PKHD1: variants seen among roughly 807,000 people sequenced by gnomAD.
PKHD1 encodes the protein PKHD1 ciliary IPT domain containing fibrocystin/polyductin.
A neutral mutation model predicts 412.0 loss-of-function variants in PKHD1; 291 were observed. The ratio of observed to expected loss-of-function variants is 0.71; its 90% confidence interval spans 0.64 to 0.78. The LOEUF is 0.78. Among genes scored for constraint, PKHD1 ranks in the 30% least tolerant of loss-of-function variants. PKHD1 has a pLI of 0.00. For synonymous variants in PKHD1, 1,777 were observed against 1,821.5 expected (o/e 0.98, Z 0.62); for missense variants, 4,825 against 4,950.7 (o/e 0.97, Z 0.76).
intron 55 of PKHD1, among the ~76,000 whole-genome samples, chr6:51,767,839 G>A (rs968959873): frequency 1.3e-5 from 2 of 152,114 alleles, no homozygotes; most frequent in African/African-American, 2.4e-5. Context: ...CCCAGTAATG[G>A]GATGGCTGGA....
At chr6:51,656,411 T>C (rs528307940) in intron 61 of PKHD1, among the ~76,000 whole-genome samples, 53 of 152,120 alleles carry the variant, frequency 3.5e-4, no homozygotes, top group African/African-American at 1.3e-3. Context: ...AAAACCTAGA[T>C]GGCAGGTTGA....
chr6:51,747,895 T>C lies in PKHD1; in HGVS notation c.9721A>G (p.Ile3241Val), dbSNP rs1255869578. Residue 3241 changes from isoleucine to valine, a missense_variant, in exon 58 of 67, where the codon ATT (isoleucine) becomes GTT (valine). Transcript: ENST00000371117. ...GTGAATACAGGCCACAGAATACCAA[T>C]TCGACCTCCTCTTGGATTGGAGGGA... ...RAPSNPRGGR[I>V]GILWPVFTSE... 6.2e-7 allele frequency: 1 copy of C among 1,613,920 alleles called. No homozygotes were observed. The highest frequency in any genetic ancestry group is 8.5e-7 in the Non-Finnish European group (1 of 1,179,958).
intron 36 of PKHD1, among the ~76,000 whole-genome samples, chr6:51,952,607 T>C (rs1790530176): frequency 6.6e-6 from 1 of 152,136 alleles, no homozygotes; most frequent in Non-Finnish European, 1.5e-5. Context: ...TAATTCAAGT[T>C]TTTAACCAAT....
Position 51,772,796 on chromosome 6 carries a change from A to G in PKHD1, c.8555-7T>C. 6.8e-7 allele frequency: 1 copy of G among 1,476,738 alleles called. No homozygotes were observed. The highest frequency in any genetic ancestry group is 2.3e-5 in the East Asian group (1 of 44,114). The allele number at this position is 1,476,738 out of a possible 1,614,324, so 91.5% of individuals were successfully genotyped here. ...TGAACTTTCCCATAAACCCCTGAAAATAAAAGGAGTAACAGTTGGATAGAA... is the reference window on the plus strand; with the variant it reads ...TGAACTTTCCCATAAACCCCTGAAAGTAAAAGGAGTAACAGTTGGATAGAA... On this transcript the variant is annotated splice_region_variant and splice_polypyrimidine_tract_variant and intron_variant, in intron 54 of 66. Transcript: ENST00000371117.
chr6:51,699,933 G>A (rs980616410), intron 60 of PKHD1, among the ~76,000 whole-genome samples: 3 of 151,218 alleles, frequency 2.0e-5, no homozygotes, highest in Non-Finnish European at 3.0e-5. Context: ...GTGTGTGTGT[G>A]TGTGTGTGTG....
rs1358923211 is a variant in PKHD1 at position 51,791,433 on chromosome 6, C to T, written c.8303-60G>A. Reference sequence around the variant, plus strand: ...CAAAAACAAGAATTACGTGTTTATTCTGGGGTTCTCCCAGCAGTTTGGGAG... The same window carrying T: ...CAAAAACAAGAATTACGTGTTTATTTTGGGGTTCTCCCAGCAGTTTGGGAG... On this transcript the variant is annotated intron_variant, in intron 52 of 66. Transcript: ENST00000371117. 21 of 1,544,644 alleles carry T rather than the reference C, an allele frequency of 1.4e-5. No individual in the cohort carries two copies. In the East Asian group the frequency reaches 4.7e-4, roughly 35 times the overall value.
chr6:51,817,163 T>C (rs201202259), intron 52 of PKHD1, among the ~76,000 whole-genome samples: 1 of 143,194 alleles, frequency 7.0e-6, no homozygotes, highest in Admixed American at 7.0e-5. Context: ...GGGTTTTTTT[T>C]CCCATTTTTC....
At chr6:51,996,205 T>G (rs1337178902) in intron 35 of PKHD1, among the ~76,000 whole-genome samples, 1 of 144,890 alleles carries the variant, frequency 6.9e-6, no homozygotes, top group East Asian at 2.0e-4. Flanking sequence ...GAGATGGGGT[T>G]TCACTGCATT....
intron 64 of PKHD1, 132 bp downstream of exon 64, chr6:51,638,717 G>A (rs985736745): frequency 2.9e-6 from 2 of 699,362 alleles, no homozygotes; most frequent in Non-Finnish European, 2.5e-6. Context: ...ATACAGTCAA[G>A]TGAATTTATT....
intron 65 of PKHD1, 92 bp from the exon 66 acceptor site, chr6:51,627,208 C>A: frequency 9.0e-7 from 1 of 1,106,844 alleles, no homozygotes; most frequent in South Asian, 1.3e-5. Flanking sequence ...ACCCTTGTCC[C>A]AAAATTATCA....
intron 39 of PKHD1, 36 bp downstream of exon 39, chr6:51,911,763 T>A: frequency 6.4e-7 from 1 of 1,572,288 alleles, no homozygotes; most frequent in Non-Finnish European, 8.7e-7. Context: ...ATATTCTTTT[T>A]TGCTCATTAG....
At chr6:51,648,939 A>G in intron 62 of PKHD1, 146 bp downstream of exon 62, 3 of 762,772 alleles carry the variant, frequency 3.9e-6, no homozygotes. Context: ...GGAAAATGTG[A>G]AAGTAGTGAG....
chr6:52,040,466 G>A (rs529936648), intron 27 of PKHD1, among the ~76,000 whole-genome samples: 1 of 152,064 alleles, frequency 6.6e-6, no homozygotes, highest in African/African-American at 2.4e-5. Flanking sequence ...GTCAGATCAT[G>A]TCACTTCACT....
chr6:51,901,584 T>A (rs111310135), intron 43 of PKHD1, among the ~76,000 whole-genome samples: 4,560 of 151,320 alleles, frequency 0.03, 126 homozygotes, highest in East Asian at 0.11. Context: ...GACAAGTTAG[T>A]GGGTACAGCG....
At position 51,814,031 on chromosome 6, in the gene PKHD1, C is replaced by A. The variant is rs566692787; in HGVS notation, c.8302+16830G>T. On this transcript the variant is annotated intron_variant, in intron 52 of 66. Transcript: ENST00000371117. ...ACTTAATGTATAAAAGCTGTGATTT[C>A]CATGCAAACTGCTGCTTTCCCAGAA... 5.1e-4 allele frequency among the ~76,000 whole-genome samples: 77 copies of A among 152,278 alleles called. 1 individual carries two copies. The highest frequency in any genetic ancestry group is 3.4e-3 in the Middle Eastern group (1 of 294).
At chr6:52,063,265 A>G (rs566951882) in intron 13 of PKHD1, among the ~76,000 whole-genome samples, 2 of 152,338 alleles carry the variant, frequency 1.3e-5, no homozygotes, top group East Asian at 3.9e-4. Flanking sequence ...AGGTGCAATC[A>G]ATATTGAATG....
intron 60 of PKHD1, among the ~76,000 whole-genome samples, chr6:51,739,042 ATTTT>A (rs964016510): frequency 1.4e-5 from 2 of 147,186 alleles, no homozygotes; most frequent in African/African-American, 2.5e-5. Flanking sequence ...ATATATATAT[ATTTT>A]TTATTTTATA....
intron 57 of PKHD1, among the ~76,000 whole-genome samples, chr6:51,751,885 A>G (rs909138523): frequency 1.4e-4 from 22 of 152,240 alleles, no homozygotes; most frequent in Non-Finnish European, 2.6e-4. Context: ...TATGAAAACC[A>G]GCACAGTTTC....
chr6:51,775,697 G>A, intron 54 of PKHD1, 111 bp downstream of exon 54: 1 of 665,446 alleles, frequency 1.5e-6, no homozygotes, highest in Non-Finnish European at 2.7e-6. Context: ...TGCCTAAAAG[G>A]GTGTTTGGAA....
Sources: allele counts gnomAD v4.1 joint callset (sites outside exome capture counted in the v4.1 genomes callset), GRCh38; gene constraint gnomAD v4.1.1; transcripts MANE v1.5; gene names NCBI Gene and HGNC (gene_info 2026-07-23, HGNC 2026-07-21).